Variants in GCNT2 observed in about 807,000 individuals in gnomAD.
GCNT2 encodes the protein glucosaminyl (N-acetyl) transferase 2 (I blood group), also known as N-acetyllactosaminide beta-1,6-N-acetylglucosaminyl-transferase.
In GCNT2, 34 loss-of-function variants were observed where a neutral mutation model predicts 34.2. The observed-to-expected ratio is 1.00, with a 90% CI of 0.76 to 1.32. The LOEUF is 1.32. Ranked by LOEUF, GCNT2 falls within the 40% of genes most tolerant of loss-of-function variation. The pLI, the probability that GCNT2 is intolerant of heterozygous loss-of-function variation, is 0.00. For missense variants in GCNT2, 584 were observed against 489.4 expected (o/e 1.19, Z -1.82); for synonymous variants, 212 against 188.0 (o/e 1.13, Z -1.04).
chr6:10,588,014 G>A (rs1764434107), intron 3 of GCNT2, among the ~76,000 whole-genome samples: 1 of 152,172 alleles, frequency 6.6e-6, no homozygotes, highest in Non-Finnish European at 1.5e-5. Flanking sequence ...TTCAAGTGCT[G>A]TTTGAAGCCA....
chr6:10,596,503 A>C (rs919994582), intron 3 of GCNT2, among the ~76,000 whole-genome samples: 11 of 151,584 alleles, frequency 7.3e-5, no homozygotes, highest in Non-Finnish European at 1.2e-4. Flanking sequence ...GCTGGGCAAG[A>C]GAGTGAGACT....
chr6:10,585,074 T>TGTGCGC (rs1764286230), intron 3 of GCNT2, among the ~76,000 whole-genome samples: 1 of 96,148 alleles, frequency 1.0e-5, no homozygotes, highest in Non-Finnish European at 2.1e-5. Context: ...TGTGTGTGTG[T>TGTGCGC]GTGTGCGCGC....
intron 3 of GCNT2, among the ~76,000 whole-genome samples, chr6:10,543,837 C>T (rs946203126): frequency 6.6e-6 from 1 of 152,036 alleles, no homozygotes; most frequent in Non-Finnish European, 1.5e-5. Context: ...TATTACTTGC[C>T]CAAGGACGCC....
chr6:10,615,792 C>T (rs1188650431), intron 3 of GCNT2, among the ~76,000 whole-genome samples: 1 of 152,170 alleles, frequency 6.6e-6, no homozygotes, highest in Non-Finnish European at 1.5e-5. Context: ...ATTATTACCC[C>T]CGTTTAGACC....
chr6:10,617,750 CTTTTTTTTT>C (rs3064178), intron 3 of GCNT2, among the ~76,000 whole-genome samples: 1 of 101,740 alleles, frequency 9.8e-6, no homozygotes, highest in African/African-American at 5.0e-5. Context: ...TGCATTTCTT[CTTTTTTTTT>C]TTTTTTTTTT....
chr6:10,564,944 T>G (rs1382217538), intron 3 of GCNT2, among the ~76,000 whole-genome samples: 1 of 152,068 alleles, frequency 6.6e-6, no homozygotes, highest in African/African-American at 2.4e-5. Flanking sequence ...TCATTAGAGT[T>G]GATGAGAAAT....
At chr6:10,559,419 C>T (rs1312293283) in intron 3 of GCNT2, among the ~76,000 whole-genome samples, 1 of 152,200 alleles carries the variant, frequency 6.6e-6, no homozygotes, top group Non-Finnish European at 1.5e-5. Context: ...TGCCTTCTCA[C>T]TGCAACAGTG....
At chr6:10,593,069 GAAC>G (rs1764718162) in intron 3 of GCNT2, among the ~76,000 whole-genome samples, 1 of 152,234 alleles carries the variant, frequency 6.6e-6, no homozygotes, top group South Asian at 2.1e-4. Flanking sequence ...CTAATCTCTA[GAAC>G]AACATTTTAT....
intron 3 of GCNT2, among the ~76,000 whole-genome samples, chr6:10,559,072 C>CTTTT (rs55637072): frequency 1.6e-5 from 2 of 122,498 alleles, no homozygotes; most frequent in Non-Finnish European, 3.6e-5. Flanking sequence ...TAAATTGTTG[C>CTTTT]TTTTTTTTTT....
chr6:10,574,314 A>G (rs1763690314), intron 3 of GCNT2, among the ~76,000 whole-genome samples: 1 of 152,222 alleles, frequency 6.6e-6, no homozygotes, highest in African/African-American at 2.4e-5. Context: ...GCATGTGCTT[A>G]TATACCTACC....
At chr6:10,562,672 A>AC (rs1396993132) in intron 3 of GCNT2, among the ~76,000 whole-genome samples, 23 of 151,498 alleles carry the variant, frequency 1.5e-4, no homozygotes, top group Admixed American at 5.3e-4. Context: ...AAAAAAAAAA[A>AC]AAAAACAAAA....
intron 3 of GCNT2, among the ~76,000 whole-genome samples, chr6:10,589,187 TCA>T (rs1764516727): frequency 1.8e-5 from 2 of 109,444 alleles, no homozygotes; most frequent in Admixed American, 1.7e-4. Flanking sequence ...TGTATGTGCG[TCA>T]TGTGTGTATG....
intron 3 of GCNT2, among the ~76,000 whole-genome samples, chr6:10,569,275 C>CACACACACACACACACA (rs1491437125): frequency 0.038 from 3,787 of 100,838 alleles, 416 homozygotes; most frequent in Middle Eastern, 0.062. Flanking sequence ...ACACACACAC[C>CACACACACACACACACA]CCCTAGGTAA....
chr6:10,534,141 C>CTTTTTTTTTTTTT (rs1224219034), intron 3 of GCNT2, among the ~76,000 whole-genome samples: 2 of 120,266 alleles, frequency 1.7e-5, no homozygotes, highest in Non-Finnish European at 3.4e-5. Context: ...CCATGCTGCT[C>CTTTTTTTTTTTTT]TTTTTTTTTT....
chr6:10,524,640 A>G (rs1761102520), intron 1 of GCNT2, among the ~76,000 whole-genome samples: 6 of 152,100 alleles, frequency 3.9e-5, no homozygotes, highest in Admixed American at 3.9e-4. Context: ...GAGGACAGGA[A>G]AAGGTTGTCT....
chr6:10,563,468 G>A (rs865811319), intron 3 of GCNT2, among the ~76,000 whole-genome samples: 1 of 152,106 alleles, frequency 6.6e-6, no homozygotes, highest in Non-Finnish European at 1.5e-5. Flanking sequence ...TTAGCTGGGC[G>A]TGGTGGCTCA....
At chr6:10,576,653 T>G (rs560780) in intron 3 of GCNT2, among the ~76,000 whole-genome samples, 5 of 151,854 alleles carry the variant, frequency 3.3e-5, no homozygotes, top group African/African-American at 1.2e-4. Context: ...GAAAGAGGGC[T>G]TTTCAATAGG....
intron 3 of GCNT2, among the ~76,000 whole-genome samples, chr6:10,601,639 G>A (rs1216754791): frequency 2.0e-5 from 3 of 152,086 alleles, no homozygotes; most frequent in African/African-American, 4.8e-5. Context: ...AAATATTCAA[G>A]TATTTAAAAG....
chr6:10,609,091 C>G (rs1331154620), intron 3 of GCNT2, among the ~76,000 whole-genome samples: 1 of 152,178 alleles, frequency 6.6e-6, no homozygotes, highest in Non-Finnish European at 1.5e-5. Flanking sequence ...AACAGGCCTA[C>G]CAATCAAATG....
Sources: allele counts gnomAD v4.1 joint callset (sites outside exome capture counted in the v4.1 genomes callset), GRCh38; gene constraint gnomAD v4.1.1; transcripts MANE v1.5; gene names NCBI Gene and HGNC (gene_info 2026-07-23, HGNC 2026-07-21).